Variants in AMPH observed in about 807,000 individuals in gnomAD.
The protein encoded by AMPH is amphiphysin (Stiff-Mann syndrome with breast cancer 128kD autoantigen).
AMPH carries 49 observed loss-of-function variants against 99.1 expected under a neutral mutation model. The observed-to-expected ratio is 0.49, with a 90% CI of 0.39 to 0.63. The LOEUF (loss-of-function observed/expected upper bound fraction) is 0.63. Among genes scored for constraint, AMPH ranks in the 20% least tolerant of loss-of-function variants. The pLI, the probability that AMPH is intolerant of heterozygous loss-of-function variation, is 0.00. For synonymous variants in AMPH, 314 were observed against 317.3 expected, an observed-to-expected ratio of 0.99 and a Z score of 0.11; for missense variants, 759 against 863.4, an observed-to-expected ratio of 0.88 and a Z score of 1.52.
intron 1 of AMPH, among the ~76,000 whole-genome samples, chr7:38,541,598 A>C (rs936612914): frequency 1.3e-5 from 2 of 152,328 alleles, no homozygotes; most frequent in Admixed American, 1.3e-4. Flanking sequence ...CACGTCATCA[A>C]AGCCTCTGAG....
intron 1 of AMPH, among the ~76,000 whole-genome samples, chr7:38,622,601 T>C (rs1277997656): frequency 6.6e-6 from 1 of 152,058 alleles, no homozygotes; most frequent in Non-Finnish European, 1.5e-5. Context: ...AAATTTAGTA[T>C]GTCCCAAAGA....
chr7:38,535,108 G>C, intron 1 of AMPH, 97 bp from the exon 2 acceptor site: 1 of 1,023,680 alleles, frequency 9.8e-7, no homozygotes, highest in Non-Finnish European at 1.5e-6. Context: ...GTTTTGCTCT[G>C]AGGAGTAGAG....
chr7:38,472,685 TA>T (rs1263800276), intron 7 of AMPH, among the ~76,000 whole-genome samples: 1 of 152,144 alleles, frequency 6.6e-6, no homozygotes, highest in Non-Finnish European at 1.5e-5. Flanking sequence ...AAGGAAGGCC[TA>T]AGTCAGGTTT....
chr7:38,624,334 T>G (rs1794170118), intron 1 of AMPH, among the ~76,000 whole-genome samples: 1 of 151,940 alleles, frequency 6.6e-6, no homozygotes, highest in Non-Finnish European at 1.5e-5. Flanking sequence ...AATATCAAAC[T>G]GGGCAGGTCC....
intron 1 of AMPH, among the ~76,000 whole-genome samples, chr7:38,584,195 T>C (rs1792566010): frequency 6.6e-6 from 1 of 152,198 alleles, no homozygotes; most frequent in Non-Finnish European, 1.5e-5. Flanking sequence ...GGGAGCACCT[T>C]CATGTTGGCC....
At chr7:38,401,104 A>C (rs1168534269) in intron 17 of AMPH, among the ~76,000 whole-genome samples, 1 of 152,178 alleles carries the variant, frequency 6.6e-6, no homozygotes, top group Non-Finnish European at 1.5e-5. Flanking sequence ...CTATTTATCA[A>C]GTTATTTAAC....
At chr7:38,463,470 C>A (rs1787534014) in intron 9 of AMPH, among the ~76,000 whole-genome samples, 1 of 152,190 alleles carries the variant, frequency 6.6e-6, no homozygotes, top group South Asian at 2.1e-4. Flanking sequence ...GCCCTCTGTT[C>A]TTTCAAACAA....
intron 5 of AMPH, among the ~76,000 whole-genome samples, chr7:38,482,532 C>G (rs1642168642): frequency 6.6e-6 from 1 of 152,086 alleles, no homozygotes; most frequent in Non-Finnish European, 1.5e-5. Flanking sequence ...AAACGTAATT[C>G]TGTATGTGCT....
At chr7:38,473,557 A>G (rs1787963916) in intron 7 of AMPH, among the ~76,000 whole-genome samples, 1 of 100,072 alleles carries the variant, frequency 1.0e-5, no homozygotes, top group African/African-American at 4.2e-5. Context: ...ACAAAAAATT[A>G]GCCGGGCGCG....
rs1305066190 is a variant in AMPH at position 38,570,945 on chromosome 7, TTATATATATAGAA to T, written c.70-35947_70-35935del. ...AAAAAATTTATATATATATATATAT[TTATATATATAGAA>T]TATATATATAGAATATATATATATT... On this transcript the variant is annotated intron_variant, in intron 1 of 20. Transcript: ENST00000356264. 1.8e-4 allele frequency among the ~76,000 whole-genome samples: 4 copies of T among 22,688 alleles called. 2 individuals are homozygous for T. Among genetic ancestry groups the T allele is most frequent in the Non-Finnish European group, 4.7e-4 (4 of 8,514 alleles). 14.9% of individuals were successfully genotyped at this position (22,688 alleles called of 152,430 possible).
chr7:38,435,434 T>C (rs549429123), intron 12 of AMPH, among the ~76,000 whole-genome samples: 1 of 152,342 alleles, frequency 6.6e-6, no homozygotes, highest in African/African-American at 2.4e-5. Context: ...CTTGTACTAA[T>C]TCATTTGAAG....
In AMPH at chr7:38,429,835, T is replaced by A. The variant is rs1216923938; in HGVS notation, c.1182+7A>T. The A allele has an allele frequency of 6.2e-7, 1 of 1,604,978 alleles. No homozygotes were observed. The highest frequency in any genetic ancestry group is 8.5e-7 in the Non-Finnish European group (1 of 1,177,678). ...AAAAATCCAGAATGATCTGGATATT[T>A]ACCTACCGGCTGTACCAAATCAGTG... On this transcript the variant is annotated splice_region_variant and intron_variant, in intron 14 of 20. Transcript: ENST00000356264.
At chr7:38,431,930 AG>A (rs1786044724) in intron 13 of AMPH, 3 of 507,668 alleles carry the variant, frequency 5.9e-6, no homozygotes, top group Non-Finnish European at 1.1e-5. Context: ...AAAGAAACAA[AG>A]GGCCAAACTC....
intron 20 of AMPH, among the ~76,000 whole-genome samples, chr7:38,388,781 A>G (rs1266868029): frequency 6.6e-6 from 1 of 152,044 alleles, no homozygotes; most frequent in Non-Finnish European, 1.5e-5. Context: ...CTAGGACTAC[A>G]GGTGCACACT....
chr7:38,449,523 C>A (rs1436550321), intron 11 of AMPH, among the ~76,000 whole-genome samples: 1 of 152,194 alleles, frequency 6.6e-6, no homozygotes, highest in Non-Finnish European at 1.5e-5. Flanking sequence ...GCTCTGGAGT[C>A]AGAACCTTGA....
At chr7:38,605,661 C>T (rs774576877) in intron 1 of AMPH, among the ~76,000 whole-genome samples, 14 of 152,182 alleles carry the variant, frequency 9.2e-5, no homozygotes, top group Middle Eastern at 3.4e-3. Context: ...CTGCAGTCTC[C>T]GCCTCCTCAG....
At chr7:38,592,380 T>A (rs950786967) in intron 1 of AMPH, among the ~76,000 whole-genome samples, 2 of 152,188 alleles carry the variant, frequency 1.3e-5, no homozygotes, top group African/African-American at 4.8e-5. Flanking sequence ...CATGGCCCCT[T>A]CTGAGCCATG....
intron 1 of AMPH, among the ~76,000 whole-genome samples, chr7:38,538,999 A>T (rs1292790885): frequency 6.6e-6 from 1 of 152,206 alleles, no homozygotes; most frequent in Non-Finnish European, 1.5e-5. Context: ...ACTAGAGTGT[A>T]TAAGAAAGCC....
chr7:38,602,597 A>G (rs1793286835), intron 1 of AMPH, among the ~76,000 whole-genome samples: 1 of 152,190 alleles, frequency 6.6e-6, no homozygotes, highest in Non-Finnish European at 1.5e-5. Context: ...CTGTGGTTAC[A>G]GTGAGCCTAC....
Sources: allele counts gnomAD v4.1 joint callset (sites outside exome capture counted in the v4.1 genomes callset), GRCh38; gene constraint gnomAD v4.1.1; transcripts MANE v1.5; gene names NCBI Gene and HGNC (gene_info 2026-07-23, HGNC 2026-07-21).